COQ7: variants seen among roughly 807,000 people sequenced by gnomAD.
The protein encoded by COQ7 is coenzyme Q7, hydroxylase, also known as NADPH-dependent 3-demethoxyubiquinone 3-hydroxylase, mitochondrial.
In COQ7, 21 loss-of-function variants were observed where a neutral mutation model predicts 25.0. The observed-to-expected ratio is 0.84, with a 90% confidence interval of 0.60 to 1.21. COQ7 has a LOEUF of 1.21. Among genes scored for constraint, COQ7 ranks in the 50% most tolerant of loss-of-function variants. COQ7 has a pLI of 0.00. For missense variants in COQ7, 311 were observed against 296.2 expected, an observed-to-expected ratio of 1.05 and a Z score of -0.37; for synonymous variants, 125 against 112.4, an observed-to-expected ratio of 1.11 and a Z score of -0.71.
intron 2 of COQ7, among the ~76,000 whole-genome samples, chr16:19,073,324 A>AACAAAAAAAAC (rs1555522101): frequency 6.9e-6 from 1 of 145,094 alleles, no homozygotes; most frequent in Admixed American, 6.8e-5. Context: ...AACAAAAAAA[A>AACAAAAAAAAC]CCGCACACAC....
At chr16:19,082,271 G>A (rs1428364325), downstream of COQ7, among the ~76,000 whole-genome samples, 1 of 152,194 alleles carries the variant, frequency 6.6e-6, no homozygotes, top group Non-Finnish European at 1.5e-5. Context: ...TTCTGGAAAT[G>A]TATGACGTTG....
At position 19,080,016 on chromosome 16, in the gene COQ7, G is replaced by A. The variant is rs996726172; in HGVS notation, c.*1858G>A. The A allele has an allele frequency of 2.0e-5, 3 of 152,236 alleles. No homozygotes were observed. Among genetic ancestry groups the A allele is most frequent in the Non-Finnish European group, 2.9e-5 (2 of 68,046 alleles). 9.4% of individuals were successfully genotyped at this position (152,236 alleles called of 1,614,324 possible). A position where few individuals can be genotyped will look rare whatever the true frequency, so the allele number is the denominator to read the frequency against. ...CAAAATAAATGCTGTGTGTGAACAC[G>A]TTGATTAAATTCAAAAGGGTATTAT... On this transcript the variant is annotated 3_prime_UTR_variant, in exon 6 of 6. Coordinates refer to ENST00000321998, the MANE Select transcript of COQ7 (RefSeq NM_016138.5).
chr16:19,070,562 G>A (rs1308082141), intron 1 of COQ7, among the ~76,000 whole-genome samples: 4 of 151,836 alleles, frequency 2.6e-5, no homozygotes, highest in African/African-American at 7.3e-5. Flanking sequence ...GTGAAACCCC[G>A]TCTCTACTAA....
At chr16:19,070,636 A>G (rs951172668) in intron 1 of COQ7, among the ~76,000 whole-genome samples, 5 of 152,096 alleles carry the variant, frequency 3.3e-5, no homozygotes, top group Non-Finnish European at 5.9e-5. Flanking sequence ...CTGGAGTCCT[A>G]GCTGCTCTAG....
chr16:19,067,916 T>C (rs1962314858), intron 1 of COQ7, 179 bp downstream of exon 1: 1 of 1,478,506 alleles, frequency 6.8e-7, no homozygotes. Flanking sequence ...GGTCTGTAGT[T>C]AGCGGCGAGA....
chr16:19,082,991 CAG>C (rs1282972571), downstream of COQ7, among the ~76,000 whole-genome samples: 1 of 151,934 alleles, frequency 6.6e-6, no homozygotes, highest in Non-Finnish European at 1.5e-5. Context: ...CTAATGGATA[CAG>C]AGTGTTTTTT....
intron 2 of COQ7, 104 bp downstream of exon 2, chr16:19,072,210 C>A: frequency 7.2e-7 from 1 of 1,388,426 alleles, no homozygotes; most frequent in South Asian, 1.3e-5. Context: ...AGGGAGATGC[C>A]ATTGTCTCCA....
Position 19,072,030 on chromosome 16 carries a change from G to A in COQ7, c.176G>A (p.Gly59Asp). ...CGAATAATCCGGGTGGATCATGCAGGCGAATATGGAGCAAACCGCATCTAT... is the reference window on the plus strand; with the variant it reads ...CGAATAATCCGGGTGGATCATGCAGACGAATATGGAGCAAACCGCATCTAT... ...VDRIIRVDHA[G>D]EYGANRIYAG... Residue 59 changes from glycine (G) to aspartate (D), a missense_variant, in exon 2 of 6, where the codon GGC (glycine) becomes GAC (aspartate). Gly to Asp is a moderately conservative substitution (Grantham distance 94). Coordinates refer to ENST00000321998, the MANE Select transcript of COQ7 (RefSeq NM_016138.5). The A allele has an allele frequency of 6.2e-7, 1 of 1,614,236 alleles. No individual in the cohort carries two copies. Among genetic ancestry groups the A allele is most frequent in the Non-Finnish European group, 8.5e-7 (1 of 1,180,046 alleles).
downstream of COQ7, among the ~76,000 whole-genome samples, chr16:19,083,027 T>C (rs1243596868): frequency 6.6e-6 from 1 of 152,132 alleles, no homozygotes; most frequent in Non-Finnish European, 1.5e-5. Context: ...TGTTCTAGAA[T>C]CGGTGATAGT....
At chr16:19,077,024 T>A (rs528993341) in intron 4 of COQ7, among the ~76,000 whole-genome samples, 2 of 152,374 alleles carry the variant, frequency 1.3e-5, no homozygotes, top group East Asian at 3.9e-4. Flanking sequence ...AGAGTCTAAA[T>A]CTGAGGTTGG....
intron 3 of COQ7, 145 bp from the exon 4 acceptor site, chr16:19,075,576 C>T (rs1221650719): frequency 3.8e-6 from 3 of 794,236 alleles, no homozygotes; most frequent in Middle Eastern, 3.9e-4. Flanking sequence ...AGTTAAATAT[C>T]CCACCATGCA....
intron 2 of COQ7, chr16:19,072,425 C>A: frequency 3.4e-6 from 1 of 291,100 alleles, no homozygotes; most frequent in Non-Finnish European, 6.5e-6. Context: ...ATGTTGCAGC[C>A]CTGCCCCCTA....
intron 1 of COQ7, among the ~76,000 whole-genome samples, chr16:19,069,233 G>T (rs1962420249): frequency 6.6e-6 from 1 of 152,086 alleles, no homozygotes; most frequent in Non-Finnish European, 1.5e-5. Flanking sequence ...AACTCCGAGG[G>T]TTGTTGAATG....
At chr16:19,068,400 T>G in intron 1 of COQ7, 1 of 989,624 alleles carries the variant, frequency 1.0e-6, no homozygotes, top group Non-Finnish European at 1.2e-6. Flanking sequence ...GCCTATAATC[T>G]CAGCACTTTG....
chr16:19,072,183 G>A (rs1381540924), intron 2 of COQ7, 77 bp downstream of exon 2: 1 of 1,554,402 alleles, frequency 6.4e-7, no homozygotes. Flanking sequence ...TGAATCATGG[G>A]AGGTCAAGCG....
chr16:19,080,371 G>A (rs1963070601), downstream of COQ7, among the ~76,000 whole-genome samples: 1 of 152,176 alleles, frequency 6.6e-6, no homozygotes, highest in Non-Finnish European at 1.5e-5. Context: ...CAAATTGTTT[G>A]GAAAGTTGTC....
Position 19,067,701 on chromosome 16 carries a change from T to C in COQ7, c.37T>C (p.Trp13Arg), listed in dbSNP as rs1345714482. Residue 13 changes from tryptophan to arginine, a missense_variant, in exon 1 of 6, where the codon TGG becomes CGG. Coordinates refer to ENST00000321998, the MANE Select transcript of COQ7 (RefSeq NM_016138.5). ...CGGGGCGGCGGCGGCTCCCCGCCTT[T>C]GGCGGCTGCGCCCGGGGGCCCGGCG... Reference protein sequence around the residue: ...CAGAAAAPRLWRLRPGARRSL... With the variant: ...CAGAAAAPRLRRLRPGARRSL... The C allele has an allele frequency of 6.2e-7, 1 of 1,608,780 alleles. No individual in the cohort carries two copies. Among genetic ancestry groups the C allele is most frequent in the Non-Finnish European group, 8.5e-7 (1 of 1,178,300 alleles).
chr16:19,078,256 A>G lies in COQ7; in HGVS notation c.*98A>G, dbSNP rs1299673647. ...TACAGTTATCGTTGTACTTTTGTAC[A>G]ATGTGAATTTTGTTAATAAATTATA... On this transcript the variant is annotated 3_prime_UTR_variant, in exon 6 of 6. Transcript: ENST00000321998. 5.9e-6 allele frequency: 5 copies of G among 841,724 alleles called. No homozygotes were observed. Among genetic ancestry groups the G allele is most frequent in the Middle Eastern group, 2.5e-4 (1 of 4,038 alleles). 52.1% of individuals were successfully genotyped at this position (841,724 alleles called of 1,614,324 possible). A position where few individuals can be genotyped will look rare whatever the true frequency, so the allele number is the denominator to read the frequency against.
chr16:19,075,476 G>A (rs1374460812), intron 3 of COQ7, among the ~76,000 whole-genome samples: 2 of 152,126 alleles, frequency 1.3e-5, no homozygotes, highest in Admixed American at 6.5e-5. Context: ...GACTATAGGC[G>A]TGATCCATTG....
Sources: allele counts gnomAD v4.1 joint callset (sites outside exome capture counted in the v4.1 genomes callset), GRCh38; gene constraint gnomAD v4.1.1; transcripts MANE v1.5; gene names NCBI Gene and HGNC (gene_info 2026-07-23, HGNC 2026-07-21).